The following CTNNB1 variants were observed in gnomAD, a reference collection of about 807,000 sequenced individuals.
CTNNB1 encodes catenin beta-1.
Under a neutral mutation model 82.5 loss-of-function variants are expected in CTNNB1, and 6 were observed. That is an observed-to-expected ratio of 0.07 (90% CI 0.04 to 0.14). The LOEUF (loss-of-function observed/expected upper bound fraction) is 0.14. Among genes scored for constraint, CTNNB1 ranks in the 10% least tolerant of loss-of-function variants. The pLI is 1.00. For missense variants in CTNNB1, 529 were observed against 980.4 expected (o/e 0.54, Z 6.15); for synonymous variants, 312 against 329.7 (o/e 0.95, Z 0.58).
rs926756027 is a variant in CTNNB1 at position 41,205,492 on chromosome 3, C to T, written c.-49+5822C>T. Among the ~76,000 whole-genome samples, 6 of 151,876 alleles carry T rather than the reference C, an allele frequency of 4.0e-5. No homozygotes were observed. The East Asian group carries it at 5.8e-4, about 15-fold the overall frequency. Reference sequence around the variant, plus strand: ...GGTGGATCACCTGAGGTCAGGAGTTCGAGACTAGCCTGGCCGACGTGGTGA... The same window carrying T: ...GGTGGATCACCTGAGGTCAGGAGTTTGAGACTAGCCTGGCCGACGTGGTGA... On this transcript the variant is annotated intron_variant, in intron 1 of 14. Coordinates refer to ENST00000349496, the MANE Select transcript of CTNNB1 (RefSeq NM_001904.4).
intron 1 of CTNNB1, among the ~76,000 whole-genome samples, chr3:41,203,570 T>G (rs543984241): frequency 1.6e-4 from 25 of 152,158 alleles, no homozygotes; most frequent in Non-Finnish European, 3.5e-4. Flanking sequence ...TTGTCTAAAA[T>G]CATTCACAGA....
intron 1 of CTNNB1, among the ~76,000 whole-genome samples, chr3:41,214,515 T>C (rs957227735): frequency 3.9e-5 from 6 of 152,210 alleles, no homozygotes; most frequent in African/African-American, 1.4e-4. Context: ...ATAGCTTTCA[T>C]GTGTGATTTG....
intron 10 of CTNNB1, 118 bp from the exon 11 acceptor site, chr3:41,235,606 C>A: frequency 7.4e-7 from 1 of 1,347,216 alleles, no homozygotes; most frequent in Non-Finnish European, 1.1e-6. Flanking sequence ...CCTTCCTGAA[C>A]TAATTGCAAG....
intron 13 of CTNNB1, 28 bp from the exon 14 acceptor site, chr3:41,237,988 C>T (rs369840402): frequency 6.2e-7 from 1 of 1,605,198 alleles, no homozygotes; most frequent in African/African-American, 1.3e-5. Context: ...GCTTTCTATT[C>T]TTCCTTGCTT....
chr3:41,206,218 G>A (rs148256078), intron 1 of CTNNB1, among the ~76,000 whole-genome samples: 104 of 152,126 alleles, frequency 6.8e-4, no homozygotes, highest in South Asian at 1.2e-3. Context: ...TAAAACTTGG[G>A]GGGTATTTTT....
intron 1 of CTNNB1, among the ~76,000 whole-genome samples, chr3:41,223,175 A>AT (rs1284563262): frequency 6.6e-6 from 1 of 152,194 alleles, no homozygotes; most frequent in Non-Finnish European, 1.5e-5. Context: ...TTTGGGACAG[A>AT]TTTTGTAATA....
intron 2 of CTNNB1, 181 bp from the exon 3 acceptor site, chr3:41,224,345 C>G (rs2078122675): frequency 1.4e-6 from 1 of 728,662 alleles, no homozygotes; most frequent in Non-Finnish European, 2.3e-6. Context: ...AGGTGGTTCC[C>G]TAAGGGATTA....
chr3:41,206,128 G>T (rs1217259755), intron 1 of CTNNB1, among the ~76,000 whole-genome samples: 1 of 151,912 alleles, frequency 6.6e-6, no homozygotes, highest in Admixed American at 6.6e-5. Flanking sequence ...TATCCCCACG[G>T]TTTTACTTCT....
chr3:41,210,314 C>T (rs957767676), intron 1 of CTNNB1, among the ~76,000 whole-genome samples: 5 of 151,968 alleles, frequency 3.3e-5, no homozygotes, highest in Admixed American at 6.6e-5. Context: ...ATTAGCCGGG[C>T]GTGGTGGCGG....
At chr3:41,211,442 AT>A (rs1431604852) in intron 1 of CTNNB1, among the ~76,000 whole-genome samples, 1 of 152,200 alleles carries the variant, frequency 6.6e-6, no homozygotes, top group Non-Finnish European at 1.5e-5. Flanking sequence ...TAGAAAGAGT[AT>A]ATCGTATGAT....
At chr3:41,234,582 ACTTC>A in intron 10 of CTNNB1, 1 of 436,046 alleles carries the variant, frequency 2.3e-6, no homozygotes, top group Non-Finnish European at 4.2e-6. Flanking sequence ...ACAAAGGCCC[ACTTC>A]CTTAGGAAGA....
chr3:41,233,011 T>C (rs950150292), intron 7 of CTNNB1, among the ~76,000 whole-genome samples: 1 of 152,202 alleles, frequency 6.6e-6, no homozygotes, highest in Non-Finnish European at 1.5e-5. Flanking sequence ...CAGGACCTGG[T>C]ACTGAATAAA....
chr3:41,215,410 T>C (rs1210240045), intron 1 of CTNNB1, among the ~76,000 whole-genome samples: 1 of 147,106 alleles, frequency 6.8e-6, no homozygotes, highest in Non-Finnish European at 1.5e-5. Context: ...AAAAACACTC[T>C]TAGGTTATAA....
intron 7 of CTNNB1, among the ~76,000 whole-genome samples, chr3:41,229,876 C>CTTTGTG (rs1553631294): frequency 6.8e-6 from 1 of 147,130 alleles, no homozygotes; most frequent in Non-Finnish European, 1.5e-5. Context: ...CTCTTGGGTT[C>CTTTGTG]TGTGTGTGTG....
intron 7 of CTNNB1, 42 bp downstream of exon 7, chr3:41,227,394 G>A (rs2125628673): frequency 6.2e-7 from 1 of 1,602,306 alleles, no homozygotes; most frequent in South Asian, 1.1e-5. Context: ...TATAGCATCT[G>A]CAGTTCTAAT....
At chr3:41,229,773 CTGAG>C (rs1164031380) in intron 7 of CTNNB1, among the ~76,000 whole-genome samples, 1 of 151,584 alleles carries the variant, frequency 6.6e-6, no homozygotes, top group Admixed American at 6.6e-5. Context: ...TTTTTCTATT[CTGAG>C]TATTTTTAAG....
rs375339948 is a variant in CTNNB1, at chr3:41,211,035, C to G, written c.-49+11365C>G. On this transcript the variant is annotated intron_variant, in intron 1 of 14. Coordinates refer to ENST00000349496, the MANE Select transcript of CTNNB1 (RefSeq NM_001904.4). ...CTTGAATTCCTGGCATCAAGTAATC[C>G]TCCCACTTTGGCCTCACAAAGTGCG... 227 of 456,546 alleles carry G rather than the reference C, an allele frequency of 5.0e-4. No individual in the cohort carries two copies. The East Asian group carries it at 0.01, about 20-fold the overall frequency. The allele number at this position is 456,546 out of a possible 1,614,324, so 28.3% of individuals were successfully genotyped here. A position where few individuals can be genotyped will look rare whatever the true frequency, so the allele number is the denominator to read the frequency against.
At chr3:41,223,000 G>A (rs2078085451) in intron 1 of CTNNB1, among the ~76,000 whole-genome samples, 1 of 152,160 alleles carries the variant, frequency 6.6e-6, no homozygotes, top group Non-Finnish European at 1.5e-5. Flanking sequence ...GAACCTGGGA[G>A]GCGGAGGTTG....
intron 7 of CTNNB1, 84 bp from the exon 8 acceptor site, chr3:41,233,257 C>A: frequency 3.6e-6 from 4 of 1,110,048 alleles, no homozygotes; most frequent in Admixed American, 3.6e-5. Flanking sequence ...CAGAAGGACA[C>A]CTCCTAAGGC....
Sources: gnomAD v4.1 joint callset for allele counts (sites outside exome capture counted in the v4.1 genomes callset) on GRCh38, gnomAD v4.1.1 for gene constraint, MANE v1.5 for transcripts, NCBI Gene and HGNC (gene_info 2026-07-23, HGNC 2026-07-21) for gene names.